The following NTM variants were observed in gnomAD, a reference collection of about 807,000 sequenced individuals.
The protein encoded by NTM is neurotrimin, also known as IgLON family member 2.
In NTM, 13 loss-of-function variants were observed where a neutral mutation model predicts 42.1. The observed-to-expected ratio is 0.31, with a 90% CI of 0.20 to 0.49. The LOEUF is 0.49. Ranked by LOEUF, NTM falls within the 20% of genes least tolerant of loss-of-function variation. The pLI, the probability that NTM is intolerant of heterozygous loss-of-function variation, is 0.99. For synonymous variants in NTM, 187 were observed against 179.2 expected (o/e 1.04, Z -0.35); for missense variants, 373 against 452.8 (o/e 0.82, Z 1.60).
At chr11:131,700,876 A>G (rs376550015) in intron 1 of NTM, among the ~76,000 whole-genome samples, 4 of 152,346 alleles carry the variant, frequency 2.6e-5, no homozygotes, top group South Asian at 4.1e-4. Context: ...TCTTAGGAGA[A>G]GTAGCATCAT....
intron 1 of NTM, among the ~76,000 whole-genome samples, chr11:131,446,918 A>G (rs1382070658): frequency 1.3e-5 from 2 of 152,216 alleles, no homozygotes; most frequent in Non-Finnish European, 2.9e-5. Context: ...CAGCGATCAG[A>G]GGAGAGGCTG....
At chr11:131,731,529 A>G (rs191203599) in intron 1 of NTM, among the ~76,000 whole-genome samples, 16 of 152,262 alleles carry the variant, frequency 1.1e-4, no homozygotes, top group African/African-American at 3.6e-4. Flanking sequence ...AACACAACTG[A>G]CACTCATCCA....
At chr11:132,234,083 T>C (rs1201498238) in intron 4 of NTM, among the ~76,000 whole-genome samples, 1 of 152,254 alleles carries the variant, frequency 6.6e-6, no homozygotes, top group Non-Finnish European at 1.5e-5. Context: ...CAAACAATTC[T>C]ATATCCTGCC....
At chr11:131,941,476 G>A (rs1379870020) in intron 2 of NTM, among the ~76,000 whole-genome samples, 1 of 152,194 alleles carries the variant, frequency 6.6e-6, no homozygotes, top group East Asian at 1.9e-4. Flanking sequence ...TTACTTCTGT[G>A]TAGTGTCTTA....
At chr11:132,108,311 T>C (rs560187556) in intron 2 of NTM, among the ~76,000 whole-genome samples, 2 of 152,344 alleles carry the variant, frequency 1.3e-5, no homozygotes, top group South Asian at 2.1e-4. Context: ...ATCTTGACTT[T>C]CCCTTGATAC....
chr11:131,759,637 C>T (rs745581232), intron 1 of NTM, among the ~76,000 whole-genome samples: 27 of 151,536 alleles, frequency 1.8e-4, no homozygotes, highest in African/African-American at 5.6e-4. Context: ...CCAGCTCTTC[C>T]GTGGGAAGCT....
intron 1 of NTM, among the ~76,000 whole-genome samples, chr11:131,493,447 C>G (rs75824052): frequency 6.6e-6 from 1 of 152,148 alleles, no homozygotes; most frequent in South Asian, 2.1e-4. Flanking sequence ...AGCAGGTGAT[C>G]CAGGTTGCAG....
At chr11:131,812,522 A>G (rs1221578411) in intron 1 of NTM, among the ~76,000 whole-genome samples, 3 of 151,446 alleles carry the variant, frequency 2.0e-5, no homozygotes, top group Non-Finnish European at 4.4e-5. Context: ...TCCTCCATAC[A>G]ATGTACACCA....
intron 1 of NTM, among the ~76,000 whole-genome samples, chr11:131,677,384 A>G (rs1274106977): frequency 1.3e-5 from 2 of 152,242 alleles, no homozygotes; most frequent in African/African-American, 2.4e-5. Flanking sequence ...GCAAAGTGCT[A>G]GACCAATGCA....
intron 1 of NTM, among the ~76,000 whole-genome samples, chr11:131,415,052 A>G (rs1946806502): frequency 6.6e-6 from 1 of 152,174 alleles, no homozygotes; most frequent in Admixed American, 6.5e-5. Context: ...TCTTCCCTTG[A>G]GACTGATAGG....
At position 132,336,405 on chromosome 11, in the gene NTM, A is replaced by T. The variant is rs2095872553; in HGVS notation, c.*1259A>T. ...TGAAAGGATAAAAAAAAAAAAAAACAACTAATACCGGGCGCAGCATCTTTC... is the reference window on the plus strand; with the variant it reads ...TGAAAGGATAAAAAAAAAAAAAAACTACTAATACCGGGCGCAGCATCTTTC... On this transcript the variant is annotated 3_prime_UTR_variant, in exon 9 of 9. Transcript: ENST00000683400. 6.6e-6 allele frequency: 1 copy of T among 151,598 alleles called. No individual in the cohort carries two copies. Among genetic ancestry groups the T allele is most frequent in the Non-Finnish European group, 1.5e-5 (1 of 67,856 alleles). 9.4% of individuals were successfully genotyped at this position (151,598 alleles called of 1,614,324 possible).
intron 1 of NTM, among the ~76,000 whole-genome samples, chr11:131,739,873 A>G (rs1014724440): frequency 7.9e-5 from 12 of 152,206 alleles, no homozygotes; most frequent in African/African-American, 2.9e-4. Context: ...AAGACCCTGG[A>G]AAACCATGAG....
intron 1 of NTM, among the ~76,000 whole-genome samples, chr11:131,744,698 C>A (rs2081589412): frequency 6.6e-6 from 1 of 151,944 alleles, no homozygotes; most frequent in African/African-American, 2.4e-5. Flanking sequence ...GCACAAGTGT[C>A]CTCTGCAGTT....
intron 1 of NTM, among the ~76,000 whole-genome samples, chr11:131,649,671 G>C (rs961175322): frequency 6.6e-6 from 1 of 152,136 alleles, no homozygotes; most frequent in East Asian, 1.9e-4. Context: ...TGTTTGGGTG[G>C]GGGGAGGCGG....
rs1431890344 is a variant in NTM, at chr11:131,598,811, CTTCT to C, written c.82+227937_82+227940del. Among the ~76,000 whole-genome samples the C allele has an allele frequency of 1.4e-4, 6 of 42,920 alleles. 1 individual carries two copies. Among genetic ancestry groups the C allele is most frequent in the East Asian group, 7.2e-4 (1 of 1,380 alleles). 28.2% of individuals were successfully genotyped at this position (42,920 alleles called of 152,430 possible). A position where few individuals can be genotyped will look rare whatever the true frequency, so the allele number is the denominator to read the frequency against. On this transcript the variant is annotated intron_variant, in intron 1 of 8. Transcript: ENST00000683400. ...TTTCTTTCTTTCTTTTTCTTTCTTT[CTTCT>C]TTCTTTCTTTCTTCTTTCTTTCTTT... is the stretch of plus-strand genomic sequence containing the variant.
At chr11:132,197,274 G>A (rs1172747929) in intron 3 of NTM, among the ~76,000 whole-genome samples, 1 of 152,096 alleles carries the variant, frequency 6.6e-6, no homozygotes, top group Non-Finnish European at 1.5e-5. Flanking sequence ...CAGGGAATTG[G>A]GCATTAGATT....
At chr11:131,777,601 C>T (rs373358796) in intron 1 of NTM, among the ~76,000 whole-genome samples, 3 of 151,720 alleles carry the variant, frequency 2.0e-5, no homozygotes, top group African/African-American at 7.3e-5. Context: ...ATAACAAAGC[C>T]CCAAACCCCA....
intron 2 of NTM, among the ~76,000 whole-genome samples, chr11:132,010,159 A>G: frequency 6.6e-6 from 1 of 152,184 alleles, no homozygotes; most frequent in East Asian, 1.9e-4. Flanking sequence ...CTTGCTTCAT[A>G]TTAGCTTTGA....
At chr11:132,042,641 G>A (rs2077360224) in intron 2 of NTM, among the ~76,000 whole-genome samples, 2 of 152,144 alleles carry the variant, frequency 1.3e-5, no homozygotes, top group Non-Finnish European at 2.9e-5. Flanking sequence ...ACACAAAATT[G>A]GGTATGAGAT....
Sources: gnomAD v4.1 joint callset for allele counts (sites outside exome capture counted in the v4.1 genomes callset) on GRCh38, gnomAD v4.1.1 for gene constraint, MANE v1.5 for transcripts, NCBI Gene and HGNC (gene_info 2026-07-23, HGNC 2026-07-21) for gene names.